ZNF808: variants seen among roughly 807,000 people sequenced by gnomAD.
ZNF808 encodes the protein zinc finger protein 808.
A neutral mutation model predicts 8.7 loss-of-function variants in ZNF808; 5 were observed. The observed-to-expected ratio is 0.58, with a 90% CI of 0.30 to 1.21. ZNF808 has a LOEUF of 1.21. Among genes scored for constraint, ZNF808 ranks in the 50% most tolerant of loss-of-function variants. ZNF808 has a pLI of 0.07. For synonymous variants in ZNF808, 380 were observed against 366.0 expected, an observed-to-expected ratio of 1.04 and a Z score of -0.44; for missense variants, 1,103 against 1,098.4, an observed-to-expected ratio of 1.00 and a Z score of -0.06.
At chr19:52,536,243 C>T (rs779504002) in intron 2 of ZNF808, among the ~76,000 whole-genome samples, 1 of 152,190 alleles carries the variant, frequency 6.6e-6, no homozygotes, top group South Asian at 2.1e-4. Context: ...GTCCCAACCC[C>T]GGTCTTTCTG....
At chr19:52,532,247 A>G (rs2059567630) in intron 1 of ZNF808, among the ~76,000 whole-genome samples, 2 of 149,728 alleles carry the variant, frequency 1.3e-5, no homozygotes, top group South Asian at 4.2e-4. Flanking sequence ...TTTTTTTGAG[A>G]TGGAATCTCG....
intron 4 of ZNF808, among the ~76,000 whole-genome samples, chr19:52,552,004 A>G (rs1257713019): frequency 1.3e-5 from 2 of 151,992 alleles, no homozygotes; most frequent in Admixed American, 6.6e-5. Flanking sequence ...TCTCAAAACA[A>G]TAAAAATGGA....
intron 4 of ZNF808, among the ~76,000 whole-genome samples, chr19:52,549,576 A>G (rs1048280020): frequency 5.9e-5 from 9 of 152,138 alleles, no homozygotes; most frequent in African/African-American, 2.2e-4. Flanking sequence ...ATATTTTAAC[A>G]TTTGCTCAAT....
chr19:52,559,877 C>T (rs557368067), downstream of ZNF808, among the ~76,000 whole-genome samples: 69 of 152,020 alleles, frequency 4.5e-4, no homozygotes, highest in African/African-American at 1.4e-3. Flanking sequence ...GAGATGCACG[C>T]CACCACGCTT....
rs991835199 is a variant in ZNF808, at chr19:52,553,780, G to A, written c.864G>A (p.Lys288=). The change falls in exon 5 of 5, where the codon AAG becomes AAA. Residue 288 remains lysine, a synonymous_variant. Transcript: ENST00000359798. ...GTCACACTGGAGAGAAACCTTACAA[G>A]TGTAAAGAGTGTGGAAAGTCCTTCA... The part of the protein sequence containing the change: ...RRCHTGEKPY[K]CKECGKSFSY... 1.2e-6 allele frequency: 2 copies of A among 1,613,904 alleles called. No individual in the cohort carries two copies. The highest frequency in any genetic ancestry group is 1.3e-5 in the African/African-American group (1 of 74,880).
chr19:52,547,991 A>G (rs1198857048), intron 4 of ZNF808, among the ~76,000 whole-genome samples: 1 of 151,152 alleles, frequency 6.6e-6, no homozygotes, highest in Non-Finnish European at 1.5e-5. Context: ...CGCCCACCTC[A>G]CCCTCCCAAA....
At chr19:52,566,241 C>A (rs987751383), downstream of ZNF808, among the ~76,000 whole-genome samples, 34 of 152,126 alleles carry the variant, frequency 2.2e-4, no homozygotes, top group African/African-American at 8.0e-4. Flanking sequence ...TCTCGGATCA[C>A]TGAAACCTCT....
At chr19:52,528,427 A>G (rs1409260522) in intron 1 of ZNF808, among the ~76,000 whole-genome samples, 1 of 152,158 alleles carries the variant, frequency 6.6e-6, no homozygotes, top group Non-Finnish European at 1.5e-5. Flanking sequence ...GAGAAAGAAT[A>G]AGAAAGGCCC....
intron 4 of ZNF808, 129 bp from the exon 5 acceptor site, chr19:52,552,978 T>A: frequency 7.5e-7 from 1 of 1,329,600 alleles, no homozygotes; most frequent in South Asian, 1.9e-5. Flanking sequence ...TCTTTTTGTG[T>A]TCCTAAACTT....
At position 52,553,570 on chromosome 19, in the gene ZNF808, C is replaced by T. The variant is rs1475688385; in HGVS notation, c.654C>T (p.Leu218=). 3 of 1,614,010 alleles carry T rather than the reference C, an allele frequency of 1.9e-6. No homozygotes were observed. The African/African-American group carries it at 4.0e-5, about 22-fold the overall frequency. ...ATAATCCCCTGAATTCTTCATTACT[C>T]CCACAAAAACAGGAAGTACACATGA... ...YGNNPLNSSL[L]PQKQEVHMRE... is the part of the protein sequence containing the mutation. Residue 218 remains leucine (L), a synonymous_variant, in exon 5 of 5, where the codon CTC becomes CTT. Coordinates refer to ENST00000359798, the MANE Select transcript of ZNF808 (RefSeq NM_001039886.4).
At position 52,551,757 on chromosome 19, in the gene ZNF808, A is replaced by C. The variant is rs1363463497; in HGVS notation, c.191-1350A>C. ...GTGGCTCACACCTGTGATCCCAGAA[A>C]TTTGGGAGGTCAAGGGGGGTGGATT... is the stretch of plus-strand genomic sequence containing the variant. On this transcript the variant is annotated intron_variant, in intron 4 of 4. Transcript: ENST00000359798. Among the ~76,000 whole-genome samples, 6 of 152,150 alleles carry C rather than the reference A, an allele frequency of 3.9e-5. No individual in the cohort carries two copies. In the East Asian group the frequency reaches 1.2e-3, roughly 30 times the overall value.
At chr19:52,533,639 G>A (rs1486401292) in intron 2 of ZNF808, among the ~76,000 whole-genome samples, 10 of 151,210 alleles carry the variant, frequency 6.6e-5, no homozygotes, top group African/African-American at 1.9e-4. Context: ...GGTCAATCCC[G>A]AGGTCAGGAG....
chr19:52,537,361 T>G (rs1010804219), intron 2 of ZNF808, among the ~76,000 whole-genome samples: 45 of 147,968 alleles, frequency 3.0e-4, no homozygotes, highest in Middle Eastern at 3.4e-3. Flanking sequence ...GAATGAGAGA[T>G]ATGTACAGAA....
intron 2 of ZNF808, among the ~76,000 whole-genome samples, chr19:52,539,197 T>A (rs1008358187): frequency 2.7e-5 from 4 of 148,074 alleles, no homozygotes; most frequent in Non-Finnish European, 6.0e-5. Flanking sequence ...TTTTTTTTTT[T>A]TTTTTTTAAT....
At chr19:52,560,212 G>A (rs1473763827), downstream of ZNF808, among the ~76,000 whole-genome samples, 2 of 151,986 alleles carry the variant, frequency 1.3e-5, no homozygotes, top group African/African-American at 4.8e-5. Context: ...TGTAATGCCA[G>A]CTACTCGGGA....
At chr19:52,532,048 C>T (rs190713206) in intron 1 of ZNF808, among the ~76,000 whole-genome samples, 3 of 152,158 alleles carry the variant, frequency 2.0e-5, no homozygotes, top group East Asian at 1.9e-4. Flanking sequence ...TTATTATTTG[C>T]TTGCTGGTTT....
intron 4 of ZNF808, 128 bp from the exon 5 acceptor site, chr19:52,552,979 T>C: frequency 7.5e-7 from 1 of 1,335,334 alleles, no homozygotes; most frequent in South Asian, 1.9e-5. Flanking sequence ...CTTTTTGTGT[T>C]CCTAAACTTT....
At chr19:52,565,675 T>A (rs1384193101), downstream of ZNF808, among the ~76,000 whole-genome samples, 2 of 152,210 alleles carry the variant, frequency 1.3e-5, no homozygotes, top group Non-Finnish European at 2.9e-5. Context: ...AAGTGACTAT[T>A]CCTCCACCCT....
At chr19:52,566,450 G>A (rs8101520), downstream of ZNF808, among the ~76,000 whole-genome samples, 15,104 of 152,012 alleles carry the variant, frequency 0.099, 1,199 homozygotes, top group African/African-American at 0.22. Flanking sequence ...ACAGGTATGC[G>A]CCACTATGCT....
Sources: gnomAD v4.1 joint callset for allele counts (sites outside exome capture counted in the v4.1 genomes callset) on GRCh38, gnomAD v4.1.1 for gene constraint, MANE v1.5 for transcripts, NCBI Gene and HGNC (gene_info 2026-07-23, HGNC 2026-07-21) for gene names.